Variants in UGT2A2 observed in about 807,000 individuals in gnomAD.
UGT2A2 encodes UDP-glucuronosyltransferase 2A2.
In UGT2A2, 60 loss-of-function variants were observed where a neutral mutation model predicts 50.7. The ratio of observed to expected loss-of-function variants is 1.18; its 90% confidence interval spans 0.96 to 1.47. The LOEUF (loss-of-function observed/expected upper bound fraction) is 1.47, where lower values mean the gene tolerates loss of function less well. Ranked by LOEUF, UGT2A2 falls within the 40% of genes most tolerant of loss-of-function variation. UGT2A2 has a pLI of 0.00. For synonymous variants in UGT2A2, 242 were observed against 214.6 expected, an observed-to-expected ratio of 1.13 and a Z score of -1.11; for missense variants, 762 against 634.0, an observed-to-expected ratio of 1.20 and a Z score of -2.17.
chr4:69,639,362 A>G lies in UGT2A2; in HGVS notation c.279T>C (p.Asp93=). ...GCATTATCATATGCTCAATTAAGGA[A>G]TCTATATTGCTCTTCTTGTAGGAAA... ...IPVSYKKSNI[D]SLIEHMIMLW... Residue 93 remains aspartate, a synonymous_variant, in exon 1 of 6, where the codon GAT becomes GAC. Transcript: ENST00000604629. 1.2e-6 allele frequency: 2 copies of G among 1,613,722 alleles called. No homozygotes were observed.
At chr4:69,628,250 A>C (rs2109950464) in intron 1 of UGT2A2, among the ~76,000 whole-genome samples, 1 of 150,844 alleles carries the variant, frequency 6.6e-6, no homozygotes, top group African/African-American at 2.4e-5. Flanking sequence ...TTAAAGAAAT[A>C]GAAAAAACAA....
At chr4:69,602,564 GGAAGA>G (rs1719359480) in intron 1 of UGT2A2, among the ~76,000 whole-genome samples, 1 of 137,008 alleles carries the variant, frequency 7.3e-6, no homozygotes. Context: ...TTCAGAATGA[GGAAGA>G]GAAGTTTTAA....
chr4:69,591,281 G>A (rs781106755), intron 5 of UGT2A2, among the ~76,000 whole-genome samples: 65 of 152,274 alleles, frequency 4.3e-4, no homozygotes, highest in Admixed American at 1.7e-3. Flanking sequence ...ATTTTAGGAA[G>A]GCATAAGACA....
At chr4:69,624,052 G>A (rs550677001) in intron 1 of UGT2A2, among the ~76,000 whole-genome samples, 4 of 151,438 alleles carry the variant, frequency 2.6e-5, no homozygotes, top group Non-Finnish European at 5.9e-5. Context: ...TTTTCTGTGT[G>A]CTTGTATTAT....
chr4:69,623,703 A>T (rs1264193376), intron 1 of UGT2A2, among the ~76,000 whole-genome samples: 6 of 151,384 alleles, frequency 4.0e-5, no homozygotes, highest in Admixed American at 6.6e-5. Context: ...TGGCTATCAA[A>T]TATATTAGGA....
intron 1 of UGT2A2, among the ~76,000 whole-genome samples, chr4:69,614,998 C>T (rs139830516): frequency 2.0e-5 from 3 of 152,054 alleles, no homozygotes; most frequent in African/African-American, 2.4e-5. Flanking sequence ...GAAATTGCTA[C>T]ACACTTTTAA....
chr4:69,613,855 C>T (rs1720211891), intron 1 of UGT2A2, among the ~76,000 whole-genome samples: 1 of 151,934 alleles, frequency 6.6e-6, no homozygotes, highest in African/African-American at 2.4e-5. Context: ...AAACCGCAAA[C>T]CTACAGGTAG....
chr4:69,610,396 T>A (rs953841607), intron 1 of UGT2A2, among the ~76,000 whole-genome samples: 2 of 152,168 alleles, frequency 1.3e-5, no homozygotes, highest in Admixed American at 1.3e-4. Context: ...TCTTCTTGAC[T>A]TGTAACTGTT....
chr4:69,630,944 A>G (rs1312922669), intron 1 of UGT2A2, among the ~76,000 whole-genome samples: 2 of 152,144 alleles, frequency 1.3e-5, no homozygotes, highest in African/African-American at 2.4e-5. Context: ...ACTAAGTGGC[A>G]GAGTTAACAA....
At chr4:69,600,084 G>A (rs545600754) in intron 1 of UGT2A2, among the ~76,000 whole-genome samples, 1 of 152,240 alleles carries the variant, frequency 6.6e-6, no homozygotes, top group Non-Finnish European at 1.5e-5. Context: ...TTTGAAAAAA[G>A]TGGTGGGCAG....
rs1406742663 is a variant in UGT2A2 at position 69,639,071 on chromosome 4, T to C, written c.570A>G (p.Arg190=). The C allele has an allele frequency of 1.9e-6, 3 of 1,613,430 alleles. No individual in the cohort carries two copies. Among genetic ancestry groups the C allele is most frequent in the Non-Finnish European group, 2.5e-6 (3 of 1,179,622 alleles). ...LRFSPASTVE[R]HCGKIPAPVS... ...CTGGTGCTGGGATTTTCCCACAGTG[T>C]CTCTCCACTGTTGATGCTGGAGAGA... is the stretch of plus-strand genomic sequence containing the variant. The change falls in exon 1 of 6, where the codon AGA becomes AGG. Residue 190 remains arginine, a synonymous_variant. Coordinates refer to ENST00000604629, the MANE Select transcript of UGT2A2 (RefSeq NM_001105677.2).
chr4:69,619,013 A>C (rs1720581561), intron 1 of UGT2A2, among the ~76,000 whole-genome samples: 1 of 152,000 alleles, frequency 6.6e-6, no homozygotes, highest in South Asian at 2.1e-4. Context: ...TATGGAAAAA[A>C]GTTATATATT....
intron 1 of UGT2A2, among the ~76,000 whole-genome samples, chr4:69,627,437 T>A (rs1453472162): frequency 6.7e-6 from 1 of 149,182 alleles, no homozygotes; most frequent in African/African-American, 2.5e-5. Context: ...ATAAGAAATA[T>A]TTTTTGTTCC....
At chr4:69,596,440 T>C in intron 2 of UGT2A2, 59 bp from the exon 3 acceptor site, 2 of 1,422,126 alleles carry the variant, frequency 1.4e-6, no homozygotes, top group Non-Finnish European at 1.9e-6. Flanking sequence ...AAAATAAGTT[T>C]ACTTACACAT....
intron 1 of UGT2A2, among the ~76,000 whole-genome samples, chr4:69,622,080 G>A (rs1241720048): frequency 6.6e-6 from 1 of 151,766 alleles, no homozygotes; most frequent in Non-Finnish European, 1.5e-5. Flanking sequence ...CCTGGGTCAT[G>A]GAATAGTCAG....
At chr4:69,612,470 C>T (rs934463607) in intron 1 of UGT2A2, among the ~76,000 whole-genome samples, 3 of 151,996 alleles carry the variant, frequency 2.0e-5, no homozygotes, top group Non-Finnish European at 4.4e-5. Context: ...AAGCACCATA[C>T]TACCCAACTT....
intron 1 of UGT2A2, among the ~76,000 whole-genome samples, chr4:69,612,610 C>T (rs1720129882): frequency 2.0e-5 from 3 of 151,654 alleles, no homozygotes; most frequent in Admixed American, 1.3e-4. Flanking sequence ...ACAATATGGA[C>T]AAAAACAAGA....
intron 5 of UGT2A2, among the ~76,000 whole-genome samples, chr4:69,590,219 G>T (rs568791226): frequency 2.6e-5 from 4 of 152,252 alleles, no homozygotes; most frequent in Middle Eastern, 3.4e-3. Context: ...AAATACTCTG[G>T]TGATTTAAGA....
intron 5 of UGT2A2, among the ~76,000 whole-genome samples, chr4:69,590,991 A>C (rs1052401389): frequency 2.6e-5 from 4 of 152,220 alleles, no homozygotes; most frequent in Non-Finnish European, 4.4e-5. Context: ...TATATACTCT[A>C]CACTATACCT....
Sources: gnomAD v4.1 joint callset for allele counts (sites outside exome capture counted in the v4.1 genomes callset) on GRCh38, gnomAD v4.1.1 for gene constraint, MANE v1.5 for transcripts, NCBI Gene and HGNC (gene_info 2026-07-23, HGNC 2026-07-21) for gene names.